Variants in SH3RF3 observed in about 807,000 individuals in gnomAD.
SH3RF3 encodes SH3 domain containing ring finger 3.
SH3RF3 carries 29 observed loss-of-function variants against 66.3 expected under a neutral mutation model. The observed-to-expected ratio is 0.44, with a 90% CI of 0.33 to 0.60. The LOEUF (loss-of-function observed/expected upper bound fraction) is 0.60, where lower values mean the gene tolerates loss of function less well. SH3RF3 is among the 20% of genes least tolerant of loss of function. The pLI is 0.04. For synonymous variants in SH3RF3, 583 were observed against 532.0 expected, an observed-to-expected ratio of 1.10 and a Z score of -1.32; for missense variants, 1,194 against 1,190.9, an observed-to-expected ratio of 1.00 and a Z score of -0.04.
intron 1 of SH3RF3, among the ~76,000 whole-genome samples, chr2:109,338,309 T>G (rs1360085662): frequency 1.3e-5 from 2 of 152,074 alleles, no homozygotes; most frequent in Non-Finnish European, 2.9e-5. Flanking sequence ...AGGCAGGGTG[T>G]GGCAGAATTG....
At chr2:109,427,873 C>T (rs1301324950) in intron 5 of SH3RF3, among the ~76,000 whole-genome samples, 2 of 152,258 alleles carry the variant, frequency 1.3e-5, no homozygotes, top group African/African-American at 4.8e-5. Flanking sequence ...GCAGTGCTCC[C>T]GGAGCTGGCC....
chr2:109,485,526 C>G (rs1348030228), intron 8 of SH3RF3, among the ~76,000 whole-genome samples: 1 of 152,230 alleles, frequency 6.6e-6, no homozygotes, highest in African/African-American at 2.4e-5. Flanking sequence ...GTTAAGGCCC[C>G]TAGAGGAGCC....
chr2:109,149,292 A>G (rs972792144), intron 1 of SH3RF3, among the ~76,000 whole-genome samples: 2 of 152,190 alleles, frequency 1.3e-5, no homozygotes, highest in Admixed American at 1.3e-4. Flanking sequence ...TGGGAGATCC[A>G]TTGGCTTAGA....
At chr2:109,303,994 C>T (rs1217246419) in intron 1 of SH3RF3, among the ~76,000 whole-genome samples, 1 of 151,946 alleles carries the variant, frequency 6.6e-6, no homozygotes, top group Admixed American at 6.6e-5. Flanking sequence ...TCAGCTACTT[C>T]AGAGGCTGAG....
At chr2:109,222,601 G>A (rs540911906) in intron 1 of SH3RF3, among the ~76,000 whole-genome samples, 5 of 152,184 alleles carry the variant, frequency 3.3e-5, no homozygotes, top group Non-Finnish European at 7.3e-5. Context: ...TCCACAGCAC[G>A]CGTGTGCCCT....
chr2:109,199,597 T>TCAACCC (rs1558953918), intron 1 of SH3RF3, among the ~76,000 whole-genome samples: 2 of 274 alleles, frequency 7.3e-3, no homozygotes, highest in Non-Finnish European at 0.014. Context: ...TGGAATGGAA[T>TCAACCC]GGAATGGAAT....
intron 1 of SH3RF3, among the ~76,000 whole-genome samples, chr2:109,252,212 C>T (rs941909671): frequency 8.0e-5 from 12 of 150,576 alleles, no homozygotes; most frequent in East Asian, 3.9e-4. Flanking sequence ...TGCACCACTG[C>T]GCTCCAGCCC....
At chr2:109,143,550 C>T (rs1677015881) in intron 1 of SH3RF3, among the ~76,000 whole-genome samples, 2 of 151,980 alleles carry the variant, frequency 1.3e-5, no homozygotes, top group South Asian at 4.2e-4. Context: ...TGAGACCAGC[C>T]TGGGCAACAT....
chr2:109,337,732 C>T (rs1574581768), intron 1 of SH3RF3, among the ~76,000 whole-genome samples: 1 of 151,552 alleles, frequency 6.6e-6, no homozygotes, highest in South Asian at 2.1e-4. Context: ...TTGCTAAGGT[C>T]CCCCTTTTTT....
intron 4 of SH3RF3, among the ~76,000 whole-genome samples, chr2:109,401,650 C>T (rs1676316299): frequency 6.6e-6 from 1 of 152,196 alleles, no homozygotes; most frequent in Non-Finnish European, 1.5e-5. Flanking sequence ...CCAAGAGGGC[C>T]AGGGGCATCT....
At chr2:109,460,956 G>A (rs1483353565) in intron 8 of SH3RF3, among the ~76,000 whole-genome samples, 2 of 152,238 alleles carry the variant, frequency 1.3e-5, no homozygotes, top group Non-Finnish European at 2.9e-5. Context: ...GGTGGTGCCT[G>A]CATATGGTGC....
chr2:109,179,784 G>A (rs1334896329), intron 1 of SH3RF3, among the ~76,000 whole-genome samples: 2 of 152,184 alleles, frequency 1.3e-5, no homozygotes, highest in Non-Finnish European at 2.9e-5. Context: ...TGAATTTGGA[G>A]ATTGTGTTTT....
chr2:109,377,973 C>T (rs981135741), intron 3 of SH3RF3, among the ~76,000 whole-genome samples: 2 of 152,260 alleles, frequency 1.3e-5, no homozygotes, highest in Non-Finnish European at 2.9e-5. Flanking sequence ...GCACACTCCG[C>T]GTTCTGCACT....
Position 109,490,868 on chromosome 2 carries a change from T to A in SH3RF3, c.2412T>A (p.Ser804=). ...KAGSLDLNFT[S]PSRQAPLSMA... Reference sequence around the variant, plus strand: ...GCTCCTTGGATCTAAACTTCACATCTCCTTCCCGGCAAGCTCCGCTGTCCA... The same window carrying A: ...GCTCCTTGGATCTAAACTTCACATCACCTTCCCGGCAAGCTCCGCTGTCCA... The change falls in exon 9 of 10, where the codon TCT becomes TCA. Residue 804 remains serine, a synonymous_variant. Coordinates refer to ENST00000309415, the MANE Select transcript of SH3RF3 (RefSeq NM_001099289.3). 2 of 1,534,958 alleles carry A rather than the reference T, an allele frequency of 1.3e-6. No individual in the cohort carries two copies. Among genetic ancestry groups the A allele is most frequent in the Non-Finnish European group, 1.7e-6 (2 of 1,145,624 alleles).
chr2:109,173,084 C>T (rs371669417), intron 1 of SH3RF3, among the ~76,000 whole-genome samples: 4 of 152,182 alleles, frequency 2.6e-5, no homozygotes, highest in East Asian at 3.8e-4. Context: ...TTCATGTTTT[C>T]TGATCTATTT....
chr2:109,168,736 A>G (rs1677688189), intron 1 of SH3RF3, among the ~76,000 whole-genome samples: 1 of 152,202 alleles, frequency 6.6e-6, no homozygotes, highest in African/African-American at 2.4e-5. Context: ...CTGAGAGGCC[A>G]TCAGCACTGT....
At chr2:109,267,827 C>T (rs889149428) in intron 1 of SH3RF3, among the ~76,000 whole-genome samples, 21 of 152,288 alleles carry the variant, frequency 1.4e-4, no homozygotes, top group African/African-American at 4.6e-4. Flanking sequence ...GCCCTGTGGT[C>T]GGGCAATGGG....
chr2:109,452,846 C>G (rs1446225920), intron 8 of SH3RF3, among the ~76,000 whole-genome samples: 2 of 149,816 alleles, frequency 1.3e-5, no homozygotes, highest in Non-Finnish European at 3.0e-5. Context: ...AGGCTGGTCC[C>G]TGGGAGGCTG....
At chr2:109,449,128 A>C (rs767189943) in intron 7 of SH3RF3, 42 bp from the exon 8 acceptor site, 1 of 1,591,718 alleles carries the variant, frequency 6.3e-7, no homozygotes, top group Middle Eastern at 1.7e-4. Context: ...GCAAGTTGCA[A>C]ACTAACCTTT....
Sources: allele counts gnomAD v4.1 joint callset (sites outside exome capture counted in the v4.1 genomes callset), GRCh38; gene constraint gnomAD v4.1.1; transcripts MANE v1.5; gene names NCBI Gene and HGNC (gene_info 2026-07-23, HGNC 2026-07-21).